TBX19: variants seen among roughly 807,000 people sequenced by gnomAD.
TBX19 encodes T-box transcription factor 19, also known as T-box transcription factor TBX19.
In TBX19, 33 loss-of-function variants were observed where a neutral mutation model predicts 40.9. The observed-to-expected ratio is 0.81, with a 90% CI of 0.61 to 1.08. The LOEUF is 1.08. Among genes scored for constraint, TBX19 ranks in the 50% least tolerant of loss-of-function variants. The pLI is 0.00. For synonymous variants in TBX19, 220 were observed against 225.0 expected, an observed-to-expected ratio of 0.98 and a Z score of 0.20; for missense variants, 494 against 574.0, an observed-to-expected ratio of 0.86 and a Z score of 1.42.
chr1:168,293,776 G>C (rs886475826), intron 3 of TBX19, among the ~76,000 whole-genome samples: 2 of 152,156 alleles, frequency 1.3e-5, no homozygotes, highest in Admixed American at 6.5e-5. Context: ...CCAGTGACTT[G>C]AGCCGCCTGG....
intron 6 of TBX19, chr1:168,308,406 A>G (rs1649452898): frequency 2.8e-6 from 1 of 356,772 alleles, no homozygotes; most frequent in Non-Finnish European, 5.4e-6. Flanking sequence ...GGAGGCTGGT[A>G]TGGTCCCTTC....
chr1:168,304,863 T>TACCACCACACAGGCTGGC (rs1649361330), intron 5 of TBX19, 145 bp from the exon 6 acceptor site: 1 of 838,896 alleles, frequency 1.2e-6, no homozygotes, highest in African/African-American at 1.7e-5. Context: ...TAGGGGATGG[T>TACCACCACACAGGCTGGC]ACCACCACAC....
At chr1:168,288,563 T>A (rs1648859256) in intron 1 of TBX19, among the ~76,000 whole-genome samples, 1 of 152,200 alleles carries the variant, frequency 6.6e-6, no homozygotes, top group Admixed American at 6.5e-5. Context: ...TGTCTCGCCT[T>A]AAGTCATTTC....
At chr1:168,296,155 G>C (rs1020363322) in intron 3 of TBX19, among the ~76,000 whole-genome samples, 17 of 152,182 alleles carry the variant, frequency 1.1e-4, no homozygotes, top group Admixed American at 1.0e-3. Flanking sequence ...TGTTTCCTTT[G>C]CACCCCCTGC....
Position 168,300,720 on chromosome 1 carries a change from G to A in TBX19, c.727+237G>A, listed in dbSNP as rs575561656. 3.9e-5 allele frequency among the ~76,000 whole-genome samples: 6 copies of A among 152,332 alleles called. No homozygotes were observed. The East Asian group carries it at 1.2e-3, about 29-fold the overall frequency. ...TTAGGCAGGAGATAAGAATGAAAAT[G>A]ATGAATTTCTTAGACTCTGGTTTTC... On this transcript the variant is annotated intron_variant, in intron 5 of 7. Coordinates refer to ENST00000367821, the MANE Select transcript of TBX19 (RefSeq NM_005149.3).
intron 3 of TBX19, among the ~76,000 whole-genome samples, chr1:168,293,845 C>A (rs1455650516): frequency 1.3e-5 from 2 of 152,130 alleles, no homozygotes; most frequent in Non-Finnish European, 2.9e-5. Context: ...GGTCCGTTCA[C>A]ATGATCTGCT....
At chr1:168,298,781 C>T (rs1649181474) in intron 4 of TBX19, among the ~76,000 whole-genome samples, 1 of 123,080 alleles carries the variant, frequency 8.1e-6, no homozygotes, top group Admixed American at 7.9e-5. Flanking sequence ...CTTCCCTTCC[C>T]TCCCTCCTCT....
chr1:168,312,820 A>G lies in TBX19; in HGVS notation c.1165A>G (p.Thr389Ala), dbSNP rs144416092. The change falls in exon 8 of 8, where the codon ACT (threonine) becomes GCT (alanine). Residue 389 changes from threonine to alanine, a missense_variant. Transcript: ENST00000367821. The stretch of plus-strand genomic sequence containing the variant: ...ATTTCTCCTCGGAAACCCAGCTGTG[A>G]CTTCACCCCCTTCTGTGCTCTCCAC... ...GAFLLGNPAV[T>A]SPPSVLSTQA... 8.9e-5 allele frequency: 144 copies of G among 1,614,224 alleles called. 1 individual carries two copies. The East Asian group carries it at 3.2e-3, about 36-fold the overall frequency.
chr1:168,304,298 T>G (rs1649349158), intron 5 of TBX19, among the ~76,000 whole-genome samples: 1 of 152,164 alleles, frequency 6.6e-6, no homozygotes, highest in South Asian at 2.1e-4. Flanking sequence ...AATAGGTGCT[T>G]GCTGCTGATT....
chr1:168,287,422 C>T (rs957242077), intron 1 of TBX19, among the ~76,000 whole-genome samples: 2 of 152,298 alleles, frequency 1.3e-5, no homozygotes, highest in South Asian at 2.1e-4. Flanking sequence ...CCTTCTGTGA[C>T]ATCATGCATT....
chr1:168,290,127 G>A (rs1028076342), intron 1 of TBX19, among the ~76,000 whole-genome samples: 1 of 152,034 alleles, frequency 6.6e-6, no homozygotes, highest in Admixed American at 6.6e-5. Context: ...AACCCAGGAG[G>A]CAGAGACTCC....
Position 168,283,550 on chromosome 1 carries a change from A to G in TBX19, c.203+2257A>G, listed in dbSNP as rs1369471109. Among the ~76,000 whole-genome samples, 3 of 152,216 alleles carry G rather than the reference A, an allele frequency of 2.0e-5. No homozygotes were observed. The East Asian group carries it at 5.8e-4, about 29-fold the overall frequency. ...TTAATATAGACATCTTTCTTGCTTC[A>G]TCTTCTTTACTCCCTTCTTCCTTCT... On this transcript the variant is annotated intron_variant, in intron 1 of 7. Coordinates refer to ENST00000367821, the MANE Select transcript of TBX19 (RefSeq NM_005149.3).
chr1:168,303,391 A>G (rs962934735), intron 5 of TBX19, among the ~76,000 whole-genome samples: 1 of 152,150 alleles, frequency 6.6e-6, no homozygotes, highest in Non-Finnish European at 1.5e-5. Flanking sequence ...TCATATTGCT[A>G]TATTCCAGTG....
intron 6 of TBX19, among the ~76,000 whole-genome samples, chr1:168,306,626 CA>C (rs56042823): frequency 0.053 from 3,976 of 75,150 alleles, 79 homozygotes; most frequent in South Asian, 0.18. Flanking sequence ...GACGCCATCT[CA>C]AAAAAAAAAA....
intron 7 of TBX19, among the ~76,000 whole-genome samples, chr1:168,311,905 G>A (rs1159063307): frequency 6.6e-6 from 1 of 152,140 alleles, no homozygotes; most frequent in Non-Finnish European, 1.5e-5. Flanking sequence ...CTGGGGCAGG[G>A]GAGTGGGGTG....
chr1:168,294,050 G>A lies in TBX19; in HGVS notation c.603+772G>A, dbSNP rs182011827. On this transcript the variant is annotated intron_variant, in intron 3 of 7. Coordinates refer to ENST00000367821, the MANE Select transcript of TBX19 (RefSeq NM_005149.3). ...TTGGAAACTCACTCCCCATGGACAC[G>A]ACGAAGAATAACTTAGAGTGTGTCT... 5.3e-3 allele frequency among the ~76,000 whole-genome samples: 800 copies of A among 152,214 alleles called. 4 individuals are homozygous for A. The highest frequency in any genetic ancestry group is 0.017 in the Middle Eastern group (5 of 294).
Position 168,296,113 on chromosome 1 carries a change from G to A in TBX19, c.604-1611G>A, listed in dbSNP as rs889831953. The stretch of plus-strand genomic sequence containing the variant: ...TCCATGCAGATGCACCCCGAGTGGC[G>A]AGTGGGCGTGGGGGTGGGTGAAGGA... On this transcript the variant is annotated intron_variant, in intron 3 of 7. Transcript: ENST00000367821. 1.2e-4 allele frequency among the ~76,000 whole-genome samples: 19 copies of A among 152,268 alleles called. 1 individual carries two copies. The highest frequency in any genetic ancestry group is 1.2e-3 in the Admixed American group (19 of 15,286).
intron 4 of TBX19, among the ~76,000 whole-genome samples, chr1:168,298,069 G>A (rs914793778): frequency 1.6e-4 from 24 of 152,104 alleles, no homozygotes; most frequent in Admixed American, 3.3e-4. Context: ...GGTGGCGGGC[G>A]CCTGTAGTCC....
chr1:168,292,830 C>T (rs1454781535), intron 2 of TBX19, among the ~76,000 whole-genome samples: 3 of 145,938 alleles, frequency 2.1e-5, no homozygotes, highest in Non-Finnish European at 4.5e-5. Flanking sequence ...CGCCACTGCA[C>T]TCCAGCCTGG....
Sources: gnomAD v4.1 joint callset for allele counts (sites outside exome capture counted in the v4.1 genomes callset) on GRCh38, gnomAD v4.1.1 for gene constraint, MANE v1.5 for transcripts, NCBI Gene and HGNC (gene_info 2026-07-23, HGNC 2026-07-21) for gene names.